EIF2B3: variants seen among roughly 807,000 people sequenced by gnomAD.
The protein encoded by EIF2B3 is eukaryotic translation initiation factor 2B subunit gamma.
EIF2B3 carries 20 observed loss-of-function variants against 54.1 expected under a neutral mutation model. The observed-to-expected ratio is 0.37, with a 90% CI of 0.26 to 0.54. EIF2B3 has a LOEUF of 0.54. EIF2B3 is among the 20% of genes least tolerant of loss of function. The pLI is 0.86. For synonymous variants in EIF2B3, 153 were observed against 188.1 expected (o/e 0.81, Z 1.52); for missense variants, 448 against 547.8 (o/e 0.82, Z 1.82).
In EIF2B3 at chr1:44,850,602, G is replaced by A. The variant is rs1573671832; in HGVS notation, c.*349C>T. The A allele has an allele frequency of 2.8e-6, 1 of 356,610 alleles. No homozygotes were observed. The highest frequency in any genetic ancestry group is 6.2e-5 in the East Asian group (1 of 16,222). The allele number at this position is 356,610 out of a possible 1,614,324, so 22.1% of individuals were successfully genotyped here. ...GTACTCCCAGGTCCTTTTAGGTGAG[G>A]GATACTTTCAGGACTGGGTTGGGTC... On this transcript the variant is annotated 3_prime_UTR_variant, in exon 12 of 12. Coordinates refer to ENST00000360403, the MANE Select transcript of EIF2B3 (RefSeq NM_020365.5).
At chr1:44,888,391 C>T (rs550019177) in intron 6 of EIF2B3, among the ~76,000 whole-genome samples, 16 of 151,846 alleles carry the variant, frequency 1.1e-4, no homozygotes, top group South Asian at 4.2e-4. Context: ...TCGCTAGGGC[C>T]GCTCAGGGAA....
In EIF2B3 at chr1:44,904,115, G is replaced by A. The variant is rs117197054; in HGVS notation, c.567-6671C>T. Among the ~76,000 whole-genome samples, 717 of 152,122 alleles carry A rather than the reference G, an allele frequency of 4.7e-3. 1 individual carries two copies. Among genetic ancestry groups the A allele is most frequent in the East Asian group, 8.1e-3 (42 of 5,184 alleles). ...AACAAACAAAAAAACCCAAAAAACT[G>A]AGTGTGTCCTGCCAGCTTATATGGC... On this transcript the variant is annotated intron_variant, in intron 5 of 11. Transcript: ENST00000360403.
chr1:44,966,197 C>T (rs990838668), intron 3 of EIF2B3, among the ~76,000 whole-genome samples: 3 of 151,878 alleles, frequency 2.0e-5, no homozygotes, highest in Admixed American at 6.6e-5. Flanking sequence ...CCCAGCACTT[C>T]GGGAGGCTGA....
chr1:44,851,839 T>C (rs747030519), intron 11 of EIF2B3, among the ~76,000 whole-genome samples: 4 of 152,194 alleles, frequency 2.6e-5, no homozygotes, highest in Non-Finnish European at 5.9e-5. Context: ...TTGTGGCTAT[T>C]ATTATTTCTA....
chr1:44,967,753 A>AC (rs1481637316), intron 3 of EIF2B3, among the ~76,000 whole-genome samples: 1 of 149,722 alleles, frequency 6.7e-6, no homozygotes, highest in East Asian at 2.0e-4. Flanking sequence ...AAAAAAAAAA[A>AC]AAAAAAGGCC....
chr1:44,953,594 T>C (rs1251599017), intron 3 of EIF2B3, among the ~76,000 whole-genome samples: 1 of 151,916 alleles, frequency 6.6e-6, no homozygotes. Context: ...CTGGGCAACA[T>C]GGCGAAAAAA....
chr1:44,920,835 G>C (rs1011668523), intron 5 of EIF2B3, among the ~76,000 whole-genome samples: 1 of 152,208 alleles, frequency 6.6e-6, no homozygotes, highest in Admixed American at 6.5e-5. Flanking sequence ...ATTGTGAACA[G>C]TGCTGCAATA....
chr1:44,935,312 T>A (rs975617520), intron 4 of EIF2B3, among the ~76,000 whole-genome samples: 6 of 152,146 alleles, frequency 3.9e-5, no homozygotes, highest in African/African-American at 1.4e-4. Flanking sequence ...GCAATATAAA[T>A]ATATTATCTT....
intron 3 of EIF2B3, among the ~76,000 whole-genome samples, chr1:44,965,773 G>A (rs1644331212): frequency 6.6e-6 from 1 of 151,200 alleles, no homozygotes; most frequent in African/African-American, 2.4e-5. Context: ...CTGAGTAGCT[G>A]GGACTACAGG....
intron 10 of EIF2B3, among the ~76,000 whole-genome samples, chr1:44,860,273 C>G (rs191003489): frequency 4.9e-4 from 75 of 152,310 alleles, no homozygotes; most frequent in Middle Eastern, 3.4e-3. Flanking sequence ...CTTCAGCCCC[C>G]CAAGTAGCTG....
chr1:44,951,572 ACT>A (rs1375514579), intron 3 of EIF2B3, among the ~76,000 whole-genome samples: 5 of 151,896 alleles, frequency 3.3e-5, no homozygotes, highest in African/African-American at 1.2e-4. Flanking sequence ...TTATATCCTA[ACT>A]CTCTGCCTAC....
intron 10 of EIF2B3, among the ~76,000 whole-genome samples, chr1:44,872,511 C>CT (rs1465086042): frequency 1.3e-5 from 2 of 151,982 alleles, no homozygotes; most frequent in African/African-American, 4.8e-5. Flanking sequence ...TTAGCTGGGC[C>CT]TGGTGGTGTG....
chr1:44,852,779 CA>C (rs35073051), intron 11 of EIF2B3, among the ~76,000 whole-genome samples: 44,973 of 111,712 alleles, frequency 0.4, 6,737 homozygotes, highest in East Asian at 0.5. Context: ...AACTCTGTCT[CA>C]AAAAAAAAAA....
At chr1:44,873,980 A>AT (rs1291714101) in intron 10 of EIF2B3, among the ~76,000 whole-genome samples, 1 of 150,086 alleles carries the variant, frequency 6.7e-6, no homozygotes, top group South Asian at 2.1e-4. Context: ...ATTTTTTAAA[A>AT]TTTTTTTGAA....
chr1:44,863,429 T>A (rs918620510), intron 10 of EIF2B3, among the ~76,000 whole-genome samples: 6 of 152,168 alleles, frequency 3.9e-5, no homozygotes, highest in Admixed American at 2.0e-4. Context: ...GAGATGGAAT[T>A]TTGCTATGTT....
At chr1:44,944,573 A>T (rs954764717) in intron 3 of EIF2B3, among the ~76,000 whole-genome samples, 3 of 151,872 alleles carry the variant, frequency 2.0e-5, no homozygotes, top group African/African-American at 7.3e-5. Context: ...CAGGAGCATC[A>T]CTTGAGGCCA....
chr1:44,980,980 A>G lies in EIF2B3; in HGVS notation c.148+41T>C, dbSNP rs1448795652. The G allele has an allele frequency of 1.9e-6, 3 of 1,613,048 alleles. No homozygotes were observed. In the Admixed American group the frequency reaches 5.0e-5, roughly 27 times the overall value. On this transcript the variant is annotated intron_variant, in intron 2 of 11. Transcript: ENST00000360403. ...ACAAATCATGGGGATCAAATCTCCT[A>G]AAAGTTTTATGAGTTCACAGCTCAC...
chr1:44,870,195 AGAG>A (rs1654922191), intron 10 of EIF2B3, among the ~76,000 whole-genome samples: 1 of 151,910 alleles, frequency 6.6e-6, no homozygotes, highest in Non-Finnish European at 1.5e-5. Context: ...AGAGAGAGAG[AGAG>A]AGAGAGAGAG....
chr1:44,879,671 A>G, intron 8 of EIF2B3, 147 bp downstream of exon 8: 1 of 886,486 alleles, frequency 1.1e-6, no homozygotes. Flanking sequence ...GTACCCTAGT[A>G]GTCTCCCTTG....
Sources: allele counts gnomAD v4.1 joint callset (sites outside exome capture counted in the v4.1 genomes callset), GRCh38; gene constraint gnomAD v4.1.1; transcripts MANE v1.5; gene names NCBI Gene and HGNC (gene_info 2026-07-23, HGNC 2026-07-21).